Variants in GALNT15 observed in about 807,000 individuals in gnomAD.
GALNT15 encodes UDP-GalNAc transferase T15.
A neutral mutation model predicts 66.8 loss-of-function variants in GALNT15; 67 were observed. That is an observed-to-expected ratio of 1.00 (90% CI 0.82 to 1.23). GALNT15 has a LOEUF of 1.23. Among genes scored for constraint, GALNT15 ranks in the 50% most tolerant of loss-of-function variants. GALNT15 has a pLI of 0.00. For synonymous variants in GALNT15, 313 were observed against 311.5 expected, an observed-to-expected ratio of 1.00 and a Z score of -0.05; for missense variants, 827 against 804.3, an observed-to-expected ratio of 1.03 and a Z score of -0.34.
At position 16,181,585 on chromosome 3, in the gene GALNT15, G is replaced by A. The variant is rs972044690; in HGVS notation, c.539+5895G>A. 4.6e-5 allele frequency among the ~76,000 whole-genome samples: 7 copies of A among 152,132 alleles called. No homozygotes were observed. The highest frequency in any genetic ancestry group is 1.4e-4 in the African/African-American group (6 of 41,432). ...TGTGAAGACTCTGTCCTGCCAGGCC[G>A]TGATTCACCCCAAGATGACTCCCCA... On this transcript the variant is annotated intron_variant, in intron 1 of 9. Transcript: ENST00000339732. The surrounding 1 kb of genome is among the most constrained non-coding windows in gnomAD (Gnocchi z 5.9).
rs2063623548 is a variant in GALNT15 at position 16,195,602 on chromosome 3, C to T, written c.540-158C>T. ...GATAGTAGACAGCACCACTATGAGG[C>T]GTAACAGGTTCTTTTTATATGGGAA... is the stretch of plus-strand genomic sequence containing the variant. On this transcript the variant is annotated intron_variant, in intron 1 of 9. Transcript: ENST00000339732. This position sits in a 1 kb window ranked among gnomAD's most constrained non-coding sequence, Gnocchi z 4.6. Among the ~76,000 whole-genome samples, 1 of 152,120 alleles carries T rather than the reference C, an allele frequency of 6.6e-6. No individual in the cohort carries two copies. Among genetic ancestry groups the T allele is most frequent in the Non-Finnish European group, 1.5e-5 (1 of 68,022 alleles).
In GALNT15 at chr3:16,180,091, C is replaced by A. The variant is rs111407681; in HGVS notation, c.539+4401C>A. On this transcript the variant is annotated intron_variant, in intron 1 of 9. Transcript: ENST00000339732. The surrounding 1 kb of genome is among the most constrained non-coding windows in gnomAD (Gnocchi z 5.0). ...CTACGGCTGAACTTGAGCGTGCATC[C>A]GAACAACTAGATGGCTTGTTAAAAA... is the stretch of plus-strand genomic sequence containing the variant. Among the ~76,000 whole-genome samples the A allele has an allele frequency of 8.5e-5, 13 of 152,304 alleles. No individual in the cohort carries two copies. Among genetic ancestry groups the A allele is most frequent in the African/African-American group, 3.1e-4 (13 of 41,588 alleles).
At chr3:16,244,940 T>A in the GALNT15 span, among the ~76,000 whole-genome samples, 1 of 152,296 alleles carries the variant, frequency 6.6e-6, no homozygotes, top group South Asian at 2.1e-4. Flanking sequence ...AACAGTTCTG[T>A]GCAGCCTCAG....
intron 8 of GALNT15, 156 bp downstream of exon 8, chr3:16,220,170 A>C (rs1442756647): frequency 1.5e-6 from 1 of 649,390 alleles, no homozygotes; most frequent in African/African-American, 1.8e-5. Context: ...ATGACTCATC[A>C]CAGCTCTCCT....
Position 16,174,794 on chromosome 3 carries a change from A to T in GALNT15, c.-358A>T, listed in dbSNP as rs139099660. 4.3e-5 allele frequency: 11 copies of T among 257,014 alleles called. No individual in the cohort carries two copies. The highest frequency in any genetic ancestry group is 3.0e-5 in the Non-Finnish European group (4 of 132,576). 15.9% of individuals were successfully genotyped at this position (257,014 alleles called of 1,614,324 possible). Reference sequence around the variant, plus strand: ...ACCTCATAGCAACCTATTTATACAAAGGGGGAAAGAAACACCTGAGCAGAA... The same window carrying T: ...ACCTCATAGCAACCTATTTATACAATGGGGGAAAGAAACACCTGAGCAGAA... On this transcript the variant is annotated 5_prime_UTR_variant, in exon 1 of 10. The change creates a new upstream start codon in the 5' untranslated region. Transcript: ENST00000339732. The surrounding 1 kb of genome is among the most constrained non-coding windows in gnomAD (Gnocchi z 4.7).
intron 3 of GALNT15, among the ~76,000 whole-genome samples, chr3:16,201,053 C>T (rs563165939): frequency 1.3e-5 from 2 of 152,264 alleles, no homozygotes; most frequent in African/African-American, 4.8e-5. Context: ...AAACCGAGGC[C>T]TGGAGAACAG....
At chr3:16,237,966 C>T in the GALNT15 span, among the ~76,000 whole-genome samples, 11 of 152,230 alleles carry the variant, frequency 7.2e-5, no homozygotes, top group African/African-American at 1.2e-4. This position sits in a 1 kb window ranked among gnomAD's most constrained non-coding sequence, Gnocchi z 4.2. Flanking sequence ...ATCCAGATGA[C>T]GCTAGCCTTG....
chr3:16,227,484 CT>C lies in GALNT15; in HGVS notation c.1905del (p.Val636TrpfsTer32). 6.2e-7 allele frequency: 1 copy of C among 1,614,124 alleles called. No individual in the cohort carries two copies. The highest frequency in any genetic ancestry group is 8.5e-7 in the Non-Finnish European group (1 of 1,180,016). On this transcript the variant is annotated frameshift_variant, in exon 10 of 10. Coordinates refer to ENST00000339732, the MANE Select transcript of GALNT15 (RefSeq NM_054110.5). LOFTEE classifies it high-confidence loss of function. This position sits in a 1 kb window ranked among gnomAD's most constrained non-coding sequence, Gnocchi z 4.5. The stretch of plus-strand genomic sequence containing the variant: ...CAGTGGCGTTTTGACCAGATCAATG[CT>C]GTGGATGAACGATGAATGTCAATGT... ...RQQWRFDQIN[A>X]VDER
Position 16,181,607 on chromosome 3 carries a change from C to T in GALNT15, c.539+5917C>T, listed in dbSNP as rs1270284005. Among the ~76,000 whole-genome samples the T allele has an allele frequency of 6.6e-6, 1 of 152,096 alleles. No homozygotes were observed. Among genetic ancestry groups the T allele is most frequent in the African/African-American group, 2.4e-5 (1 of 41,410 alleles). ...GCCGTGATTCACCCCAAGATGACTC[C>T]CCACACCCCTTGTTGGCTGTGATAG... On this transcript the variant is annotated intron_variant, in intron 1 of 9. Transcript: ENST00000339732. The surrounding 1 kb of genome is among the most constrained non-coding windows in gnomAD (Gnocchi z 5.9).
rs2064039082 is a variant in GALNT15, at chr3:16,227,758, G to A, written c.*258G>A. The A allele has an allele frequency of 1.6e-6, 2 of 1,260,170 alleles. No individual in the cohort carries two copies. Among genetic ancestry groups the A allele is most frequent in the Non-Finnish European group, 2.0e-6 (2 of 1,002,822 alleles). The allele number at this position is 1,260,170 out of a possible 1,614,324, so 78.1% of individuals were successfully genotyped here. On this transcript the variant is annotated 3_prime_UTR_variant, in exon 10 of 10. Transcript: ENST00000339732. The surrounding 1 kb of genome is among the most constrained non-coding windows in gnomAD (Gnocchi z 4.5). ...ATCACTGGGAAATGATTATTACATA[G>A]TACAGAAGATTCTTTGTTTTTCTCC... is the stretch of plus-strand genomic sequence containing the variant.
intron 6 of GALNT15, 45 bp downstream of exon 6, chr3:16,212,808 A>T (rs745463745): frequency 1.3e-6 from 2 of 1,548,716 alleles, no homozygotes; most frequent in South Asian, 2.3e-5. Flanking sequence ...GCACAGGGCC[A>T]CTAGCAGGAG....
downstream of GALNT15, chr3:16,231,764 C>T (rs1449896458): frequency 2.0e-6 from 3 of 1,500,466 alleles, no homozygotes; most frequent in South Asian, 1.2e-5. This position sits in a 1 kb window ranked among gnomAD's most constrained non-coding sequence, Gnocchi z 4.1. Flanking sequence ...CTTCCTCTCT[C>T]TCTCCCTCCC....
intron 1 of GALNT15, among the ~76,000 whole-genome samples, chr3:16,194,234 A>G (rs1306266023): frequency 6.6e-6 from 1 of 152,216 alleles, no homozygotes; most frequent in African/African-American, 2.4e-5. Flanking sequence ...GCAGTGATAT[A>G]TTAAAGGCCT....
chr3:16,239,207 A>G, the GALNT15 span, among the ~76,000 whole-genome samples: 4 of 152,330 alleles, frequency 2.6e-5, no homozygotes, highest in African/African-American at 9.6e-5. This position sits in a 1 kb window ranked among gnomAD's most constrained non-coding sequence, Gnocchi z 5.2. Context: ...CATCTGTCTC[A>G]TTGGCCAGAG....
intron 1 of GALNT15, among the ~76,000 whole-genome samples, chr3:16,194,652 A>C (rs2063613505): frequency 1.3e-5 from 2 of 152,230 alleles, no homozygotes; most frequent in Admixed American, 1.3e-4. Context: ...ACGCAGCCAT[A>C]AAAAGGAATG....
At position 16,211,066 on chromosome 3, in the gene GALNT15, C is replaced by A; in HGVS notation, c.1080-58C>A. 1.5e-6 allele frequency: 2 copies of A among 1,309,946 alleles called. No homozygotes were observed. The highest frequency in any genetic ancestry group is 2.2e-6 in the Non-Finnish European group (2 of 906,418). 81.1% of individuals were successfully genotyped at this position (1,309,946 alleles called of 1,614,324 possible). A position where few individuals can be genotyped will look rare whatever the true frequency, so the allele number is the denominator to read the frequency against. On this transcript the variant is annotated intron_variant, in intron 4 of 9. Transcript: ENST00000339732. The surrounding 1 kb of genome is among the most constrained non-coding windows in gnomAD (Gnocchi z 4.3). ...CACCTGGGAAGCCCCAGCCCCCAGCCTCGCCTGCTGTGCTCTGGGTTCTGA... is the reference window on the plus strand; with the variant it reads ...CACCTGGGAAGCCCCAGCCCCCAGCATCGCCTGCTGTGCTCTGGGTTCTGA...
chr3:16,223,928 G>A (rs1297136734), intron 9 of GALNT15, among the ~76,000 whole-genome samples: 2 of 151,982 alleles, frequency 1.3e-5, no homozygotes, highest in South Asian at 2.1e-4. Flanking sequence ...TCCTGACCTC[G>A]GGTGATCCAC....
chr3:16,233,239 C>T (rs1028357684), downstream of GALNT15, among the ~76,000 whole-genome samples: 7 of 151,540 alleles, frequency 4.6e-5, no homozygotes, highest in South Asian at 2.1e-4. Flanking sequence ...GGATCACAGG[C>T]GTGCATCACC....
At chr3:16,185,770 G>C (rs1265641978) in intron 1 of GALNT15, among the ~76,000 whole-genome samples, 2 of 151,872 alleles carry the variant, frequency 1.3e-5, no homozygotes, top group African/African-American at 4.8e-5. Flanking sequence ...TAGATAGATA[G>C]ATAGATAGAT....
Sources: allele counts gnomAD v4.1 joint callset (sites outside exome capture counted in the v4.1 genomes callset), GRCh38; gene constraint gnomAD v4.1.1; non-coding constraint Gnocchi (gnomAD v3.1); transcripts MANE v1.5; gene names NCBI Gene and HGNC (gene_info 2026-07-23, HGNC 2026-07-21).